EXOC4: variants seen among roughly 807,000 people sequenced by gnomAD.
The protein encoded by EXOC4 is exocyst complex component 4.
A neutral mutation model predicts 107.2 loss-of-function variants in EXOC4; 71 were observed. That is an observed-to-expected ratio of 0.66 (90% CI 0.55 to 0.81). EXOC4 has a LOEUF of 0.81. EXOC4 is among the 30% of genes least tolerant of loss of function. EXOC4 has a pLI of 0.00. For synonymous variants in EXOC4, 456 were observed against 441.2 expected, an observed-to-expected ratio of 1.03 and a Z score of -0.42; for missense variants, 1,108 against 1,189.6, an observed-to-expected ratio of 0.93 and a Z score of 1.01.
chr7:133,505,476 G>A (rs1799649498), intron 9 of EXOC4, among the ~76,000 whole-genome samples: 1 of 151,928 alleles, frequency 6.6e-6, no homozygotes, highest in South Asian at 2.1e-4. Context: ...AGAATTTTTG[G>A]TTAACTATGA....
At chr7:133,394,081 A>G (rs1278406522) in intron 7 of EXOC4, among the ~76,000 whole-genome samples, 1 of 152,194 alleles carries the variant, frequency 6.6e-6, no homozygotes, top group Non-Finnish European at 1.5e-5. Context: ...AATAATGGGC[A>G]TGAAATAATG....
intron 7 of EXOC4, among the ~76,000 whole-genome samples, chr7:133,472,309 G>A (rs572470276): frequency 4.3e-4 from 65 of 152,280 alleles, no homozygotes; most frequent in African/African-American, 1.5e-3. Context: ...AACTAAGTTG[G>A]TGGCTGTCAA....
intron 5 of EXOC4, among the ~76,000 whole-genome samples, chr7:133,326,559 TC>T (rs1252790601): frequency 6.6e-6 from 1 of 152,222 alleles, no homozygotes; most frequent in Non-Finnish European, 1.5e-5. Flanking sequence ...GACTGATCGT[TC>T]CTCTGGAAGC....
intron 17 of EXOC4, among the ~76,000 whole-genome samples, chr7:134,039,241 T>G (rs750121435): frequency 1.1e-4 from 17 of 152,148 alleles, no homozygotes; most frequent in East Asian, 1.9e-4. Context: ...GTATAAACCA[T>G]GTACTCCTAA....
chr7:133,253,260 T>A (rs952504825), intron 1 of EXOC4, 73 bp downstream of exon 1: 1 of 1,554,942 alleles, frequency 6.4e-7, no homozygotes, highest in African/African-American at 1.4e-5. Flanking sequence ...GGGAGAAGGG[T>A]TAGCTGGGTC....
intron 11 of EXOC4, among the ~76,000 whole-genome samples, chr7:133,846,073 CACTT>C (rs1437153553): frequency 6.6e-6 from 1 of 152,130 alleles, no homozygotes; most frequent in Non-Finnish European, 1.5e-5. Context: ...TTAAACGTCA[CACTT>C]ACTTTATTTT....
chr7:133,816,305 C>T (rs1316261446), intron 10 of EXOC4, among the ~76,000 whole-genome samples: 8 of 151,958 alleles, frequency 5.3e-5, no homozygotes, highest in African/African-American at 1.9e-4. Context: ...TCAGGGCTGC[C>T]TGTATAGAAA....
intron 7 of EXOC4, among the ~76,000 whole-genome samples, chr7:133,403,271 G>C (rs1242410860): frequency 6.6e-6 from 1 of 152,202 alleles, no homozygotes; most frequent in Admixed American, 6.5e-5. Context: ...AAGCATGCCT[G>C]CTATCCATAA....
intron 7 of EXOC4, among the ~76,000 whole-genome samples, chr7:133,444,994 A>AT (rs1183890807): frequency 6.6e-5 from 10 of 152,100 alleles, no homozygotes; most frequent in Non-Finnish European, 1.5e-4. Flanking sequence ...AATAGAACAG[A>AT]TTTTTTGTTG....
At chr7:133,342,872 G>T (rs1176621786) in intron 5 of EXOC4, among the ~76,000 whole-genome samples, 8 of 152,078 alleles carry the variant, frequency 5.3e-5, no homozygotes, top group Non-Finnish European at 1.2e-4. Flanking sequence ...CAGAGGTTGT[G>T]ATTGATTGTT....
At chr7:133,704,356 A>T (rs546085754) in intron 10 of EXOC4, among the ~76,000 whole-genome samples, 29 of 152,208 alleles carry the variant, frequency 1.9e-4, no homozygotes, top group Non-Finnish European at 3.5e-4. Flanking sequence ...TCTTCAGGTC[A>T]TATATGGTGG....
chr7:134,089,983 A>G, the EXOC4 span, among the ~76,000 whole-genome samples: 26,346 of 152,156 alleles, frequency 0.17, 3,075 homozygotes, highest in African/African-American at 0.33. Flanking sequence ...TTTAGAAGAA[A>G]TGTTTACATT....
chr7:133,972,305 C>A (rs1801261446), intron 14 of EXOC4, among the ~76,000 whole-genome samples: 1 of 152,178 alleles, frequency 6.6e-6, no homozygotes, highest in African/African-American at 2.4e-5. Flanking sequence ...CAATACCCCT[C>A]ATGTAAATGA....
At position 133,471,228 on chromosome 7, in the gene EXOC4, A is replaced by G. The variant is rs186091584; in HGVS notation, c.1183-4100A>G. On this transcript the variant is annotated intron_variant, in intron 7 of 17. Coordinates refer to ENST00000253861, the MANE Select transcript of EXOC4 (RefSeq NM_021807.4). ...GGAGTTCAAGACCAGCCTGGCCAAC[A>G]TGGTGAAACCCAGTCTCTACTACAA... Among the ~76,000 whole-genome samples, 5 of 152,236 alleles carry G rather than the reference A, an allele frequency of 3.3e-5. No individual in the cohort carries two copies. In the East Asian group the frequency reaches 7.7e-4, roughly 24 times the overall value.
chr7:133,605,028 A>G (rs868046405), intron 9 of EXOC4, among the ~76,000 whole-genome samples: 45 of 152,014 alleles, frequency 3.0e-4, no homozygotes, highest in African/African-American at 1.0e-3. Context: ...CCCAGCCTCT[A>G]GCTCTGATTT....
chr7:133,329,543 C>A (rs891859580), intron 5 of EXOC4, among the ~76,000 whole-genome samples: 1 of 152,182 alleles, frequency 6.6e-6, no homozygotes, highest in Non-Finnish European at 1.5e-5. Context: ...ATTGGTTTCA[C>A]CCCATCTTCG....
chr7:134,059,883 G>A (rs1796016918), intron 17 of EXOC4, among the ~76,000 whole-genome samples: 1 of 152,066 alleles, frequency 6.6e-6, no homozygotes. Context: ...CCAATCAGAG[G>A]AAGATAAAAT....
At chr7:133,775,117 A>G (rs1796319993) in intron 10 of EXOC4, among the ~76,000 whole-genome samples, 1 of 152,042 alleles carries the variant, frequency 6.6e-6, no homozygotes, top group Non-Finnish European at 1.5e-5. Flanking sequence ...ATTTTACATG[A>G]TTTTTTTGTT....
At chr7:133,920,473 T>C (rs1799913953) in intron 13 of EXOC4, among the ~76,000 whole-genome samples, 1 of 152,036 alleles carries the variant, frequency 6.6e-6, no homozygotes, top group Admixed American at 6.6e-5. Context: ...GTTATACTTC[T>C]TTTTTTTACA....
Sources: allele counts gnomAD v4.1 joint callset (sites outside exome capture counted in the v4.1 genomes callset), GRCh38; gene constraint gnomAD v4.1.1; transcripts MANE v1.5; gene names NCBI Gene and HGNC (gene_info 2026-07-23, HGNC 2026-07-21).